The following HSPA12A variants were observed in gnomAD, a reference collection of about 807,000 sequenced individuals.
HSPA12A encodes the protein heat shock protein family A (Hsp70) member 12A, also known as heat shock 70 kDa protein 12A.
Under a neutral mutation model 69.2 loss-of-function variants are expected in HSPA12A, and 28 were observed. The ratio of observed to expected loss-of-function variants is 0.40; its 90% confidence interval spans 0.30 to 0.55. HSPA12A has a LOEUF of 0.55. HSPA12A is among the 20% of genes least tolerant of loss of function. The pLI is 0.38. For missense variants in HSPA12A, 686 were observed against 900.7 expected (o/e 0.76, Z 3.05); for synonymous variants, 345 against 370.5 (o/e 0.93, Z 0.79).
upstream of HSPA12A, among the ~76,000 whole-genome samples, chr10:116,744,328 A>G (rs1281893087): frequency 6.6e-6 from 1 of 152,214 alleles, no homozygotes; most frequent in Non-Finnish European, 1.5e-5. Flanking sequence ...GCTCCCCTGC[A>G]TACCCATGCT....
At chr10:116,793,294 G>C (rs1023483266) in intron 2 of HSPA12A, among the ~76,000 whole-genome samples, 1 of 152,170 alleles carries the variant, frequency 6.6e-6, no homozygotes, top group Non-Finnish European at 1.5e-5. Flanking sequence ...AAACAGACTG[G>C]GCACAGTGGC....
At position 116,771,607 on chromosome 10, in the gene HSPA12A, C is replaced by T. The variant is rs151323146; in HGVS notation, c.91+63328G>A. 1.8e-3 allele frequency among the ~76,000 whole-genome samples: 278 copies of T among 152,310 alleles called. 1 individual carries two copies. Among genetic ancestry groups the T allele is most frequent in the African/African-American group, 6.3e-3 (260 of 41,576 alleles). ...AATGAATACATCCAAAAGGATGGGA[C>T]GGCAATTGCGAAATTCCATCATGGG... On this transcript the variant is annotated intron_variant, in intron 2 of 12. Coordinates refer to the HSPA12A transcript ENST00000635765.
intron 2 of HSPA12A, among the ~76,000 whole-genome samples, chr10:116,795,287 A>G (rs1396886342): frequency 1.3e-5 from 2 of 152,184 alleles, no homozygotes; most frequent in Non-Finnish European, 2.9e-5. Context: ...TTGGGCACAT[A>G]TTTATTTTAC....
chr10:116,789,070 T>G (rs1844643847), intron 2 of HSPA12A, among the ~76,000 whole-genome samples: 1 of 152,104 alleles, frequency 6.6e-6, no homozygotes, highest in South Asian at 2.1e-4. Flanking sequence ...TTCACCATGT[T>G]GGCCAGGCTG....
chr10:116,684,352 C>T (rs1849514071), intron 6 of HSPA12A, among the ~76,000 whole-genome samples: 1 of 152,122 alleles, frequency 6.6e-6, no homozygotes, highest in African/African-American at 2.4e-5. Context: ...TGCAGAGACC[C>T]TGAAACTTTC....
chr10:116,676,000 G>A lies in HSPA12A; in HGVS notation c.1390+399C>T, dbSNP rs1849225510. ...GGGTGAGGATGTCTAACATGTCCCA[G>A]TAAAGCAAAGAATATGCATTTCCTA... is the stretch of plus-strand genomic sequence containing the variant. On this transcript the variant is annotated intron_variant, in intron 11 of 11. Transcript: ENST00000369209. This position sits in a 1 kb window ranked among gnomAD's most constrained non-coding sequence, Gnocchi z 5.2. Among the ~76,000 whole-genome samples, 1 of 152,198 alleles carries A rather than the reference G, an allele frequency of 6.6e-6. No individual in the cohort carries two copies.
At chr10:116,848,241 C>G (rs1409340450) in intron 1 of HSPA12A, among the ~76,000 whole-genome samples, 3 of 152,182 alleles carry the variant, frequency 2.0e-5, no homozygotes, top group Admixed American at 2.0e-4. Flanking sequence ...GGAGAGAAGG[C>G]AGGTTCATGA....
At chr10:116,849,391 C>G in intron 1 of HSPA12A, 1 of 808,024 alleles carries the variant, frequency 1.2e-6, no homozygotes, top group Non-Finnish European at 1.7e-6. Flanking sequence ...GACAGAGCAG[C>G]GAGCGCAAAT....
chr10:116,683,218 CT>C (rs1849472484), intron 7 of HSPA12A, among the ~76,000 whole-genome samples: 1 of 152,068 alleles, frequency 6.6e-6, no homozygotes, highest in African/African-American at 2.4e-5. Context: ...GTGACCAAGG[CT>C]ATGACCTACT....
intron 2 of HSPA12A, among the ~76,000 whole-genome samples, chr10:116,826,047 C>T (rs1564832426): frequency 6.6e-6 from 1 of 152,136 alleles, no homozygotes; most frequent in Non-Finnish European, 1.5e-5. Context: ...GAATTCCATT[C>T]TCTGTGTGGC....
chr10:116,786,048 A>C (rs976439366), intron 2 of HSPA12A, among the ~76,000 whole-genome samples: 4 of 152,100 alleles, frequency 2.6e-5, no homozygotes, highest in Non-Finnish European at 5.9e-5. Flanking sequence ...TGCACTGGGA[A>C]TCTTTGTAGC....
In HSPA12A at chr10:116,705,226, GCCA is replaced by G. The variant is rs782108405; in HGVS notation, c.176_178del (p.Val59del). 5.0e-6 allele frequency: 8 copies of G among 1,614,054 alleles called. No homozygotes were observed. Among genetic ancestry groups the G allele is most frequent in the South Asian group, 1.1e-5 (1 of 91,082 alleles). On this transcript the variant is annotated inframe_deletion, in exon 3 of 12. Transcript: ENST00000369209. ...ACTGGATGTGGTCCCAAAGTCGACG[GCCA>G]CCACCACGAGAAATGACTGCTGTTC...
At chr10:116,797,137 T>C (rs147809510) in intron 2 of HSPA12A, among the ~76,000 whole-genome samples, 2,965 of 152,284 alleles carry the variant, frequency 0.019, 90 homozygotes, top group African/African-American at 0.067. Context: ...AGGTTTCTCT[T>C]TGGAGCCCCA....
intron 10 of HSPA12A, among the ~76,000 whole-genome samples, chr10:116,676,959 A>C (rs1005076098): frequency 4.6e-5 from 7 of 152,190 alleles, no homozygotes; most frequent in African/African-American, 1.7e-4. Flanking sequence ...GAGTAAGCCT[A>C]ATTCTACTAG....
Position 116,681,878 on chromosome 10 carries a change from C to G in HSPA12A, c.836-1G>C. 6.2e-7 allele frequency: 1 copy of G among 1,613,942 alleles called. No homozygotes were observed. On this transcript the variant is annotated splice_acceptor_variant, in intron 7 of 11. Coordinates refer to ENST00000369209, the MANE Select transcript of HSPA12A (RefSeq NM_025015.3). LOFTEE classifies it high-confidence loss of function. ...CGATTACGCCGTATGTGTTCCTTAG[C>G]TAGTGGCCGACAGAAAGAAAATGAT...
chr10:116,798,113 G>A (rs1234280846), intron 2 of HSPA12A, among the ~76,000 whole-genome samples: 2 of 151,664 alleles, frequency 1.3e-5, no homozygotes, highest in African/African-American at 4.8e-5. Context: ...GCTTTTGTCA[G>A]GGGAATGACA....
chr10:116,736,808 C>T (rs1400320592), intron 1 of HSPA12A, among the ~76,000 whole-genome samples: 3 of 152,170 alleles, frequency 2.0e-5, no homozygotes, highest in Admixed American at 2.0e-4. Context: ...CCATTTTGGA[C>T]TTATTCCTGA....
intron 2 of HSPA12A, among the ~76,000 whole-genome samples, chr10:116,769,550 C>T (rs1216231656): frequency 6.6e-6 from 1 of 152,170 alleles, no homozygotes; most frequent in Non-Finnish European, 1.5e-5. Context: ...CTCAATTTTA[C>T]TGGAATGATG....
At chr10:116,693,362 A>C (rs1849792413) in intron 5 of HSPA12A, among the ~76,000 whole-genome samples, 1 of 152,174 alleles carries the variant, frequency 6.6e-6, no homozygotes, top group Non-Finnish European at 1.5e-5. Flanking sequence ...ACGGGGACAA[A>C]ATATGTCGCT....
Sources: allele counts gnomAD v4.1 joint callset (sites outside exome capture counted in the v4.1 genomes callset), GRCh38; gene constraint gnomAD v4.1.1; non-coding constraint Gnocchi (gnomAD v3.1); transcripts MANE v1.5; gene names NCBI Gene and HGNC (gene_info 2026-07-23, HGNC 2026-07-21).